ZNF486: variants seen among roughly 807,000 people sequenced by gnomAD.
ZNF486 encodes KRAB box only protein 2.
ZNF486 carries 12 observed loss-of-function variants against 12.8 expected under a neutral mutation model. The ratio of observed to expected loss-of-function variants is 0.94; its 90% CI spans 0.60 to 1.52. ZNF486 has a LOEUF of 1.52. Among genes scored for constraint, ZNF486 ranks in the 40% most tolerant of loss-of-function variants. ZNF486 has a pLI of 0.00. For synonymous variants in ZNF486, 231 were observed against 184.9 expected (o/e 1.25, Z -2.02); for missense variants, 738 against 545.0 (o/e 1.35, Z -3.53).
intron 1 of ZNF486, among the ~76,000 whole-genome samples, chr19:20,172,957 C>T (rs2122629327): frequency 6.6e-6 from 1 of 152,264 alleles, no homozygotes; most frequent in Admixed American, 6.5e-5. Flanking sequence ...TTAATAAATT[C>T]TGGATATTAG....
At chr19:20,170,706 G>T (rs1555713768) in intron 1 of ZNF486, among the ~76,000 whole-genome samples, 1 of 152,200 alleles carries the variant, frequency 6.6e-6, no homozygotes, top group African/African-American at 2.4e-5. Context: ...AAGTCATAAT[G>T]GGAAGGGTGT....
chr19:20,186,650 T>A (rs2089849975), intron 3 of ZNF486, among the ~76,000 whole-genome samples: 1 of 152,162 alleles, frequency 6.6e-6, no homozygotes, highest in South Asian at 2.1e-4. Flanking sequence ...CACGTAACTT[T>A]TAGAAATGTA....
At chr19:20,189,170 G>A (rs1555716858) in intron 3 of ZNF486, among the ~76,000 whole-genome samples, 2 of 151,990 alleles carry the variant, frequency 1.3e-5, no homozygotes, top group Non-Finnish European at 1.5e-5. Context: ...TGCCTCCTGG[G>A]TTCAAGCAAT....
At chr19:20,196,395 C>A (rs1555717939) in intron 3 of ZNF486, among the ~76,000 whole-genome samples, 1 of 152,196 alleles carries the variant, frequency 6.6e-6, no homozygotes, top group African/African-American at 2.4e-5. Flanking sequence ...GTGGTGCAAT[C>A]TTGGCTTACT....
At chr19:20,189,989 A>G (rs1196716924) in intron 3 of ZNF486, among the ~76,000 whole-genome samples, 1 of 152,208 alleles carries the variant, frequency 6.6e-6, no homozygotes, top group Non-Finnish European at 1.5e-5. Flanking sequence ...GTATCGTTCA[A>G]GGAAATAACC....
chr19:20,173,131 CT>C (rs1389578286), intron 1 of ZNF486, among the ~76,000 whole-genome samples: 15 of 152,306 alleles, frequency 9.8e-5, no homozygotes, highest in Admixed American at 2.6e-4. Flanking sequence ...CTCATGAAGT[CT>C]TTGCCAGTTT....
intron 1 of ZNF486, among the ~76,000 whole-genome samples, 176 bp from the exon 2 acceptor site, chr19:20,184,180 T>A (rs945342467): frequency 1.3e-5 from 2 of 152,238 alleles, no homozygotes; most frequent in African/African-American, 4.8e-5. Context: ...CTGCTCTTTT[T>A]TTTCAGAGAT....
chr19:20,191,062 C>G (rs904931245), intron 3 of ZNF486, among the ~76,000 whole-genome samples: 5 of 152,224 alleles, frequency 3.3e-5, no homozygotes, highest in Non-Finnish European at 5.9e-5. Flanking sequence ...TGTCCAATTA[C>G]TCTTTACCTT....
chr19:20,180,591 T>C lies in ZNF486; in HGVS notation c.31-3765T>C, dbSNP rs572127211. ...TAATTGTTATTATAATTTTTTTTCTTTAGTCAGAATCTCACTGTGTTACCC... is the reference window on the plus strand; with the variant it reads ...TAATTGTTATTATAATTTTTTTTCTCTAGTCAGAATCTCACTGTGTTACCC... On this transcript the variant is annotated intron_variant, in intron 1 of 3. Transcript: ENST00000335117. Among the ~76,000 whole-genome samples the C allele has an allele frequency of 3.1e-3, 472 of 152,316 alleles. 1 individual carries two copies. Among genetic ancestry groups the C allele is most frequent in the African/African-American group, 0.011 (451 of 41,592 alleles).
chr19:20,197,775 T>C lies in ZNF486; in HGVS notation c.1065T>C (p.Cys355=). The change falls in exon 4 of 4, where the codon TGT becomes TGC. Residue 355 remains cysteine, a synonymous_variant. Transcript: ENST00000335117. ...TGEKPYKCEE[C]GKAFTRSSHL... is the part of the protein sequence containing the mutation. ...AGAAACCCTACAAATGTGAAGAATGTGGCAAAGCCTTCACCCGCTCCTCAC... is the reference window on the plus strand; with the variant it reads ...AGAAACCCTACAAATGTGAAGAATGCGGCAAAGCCTTCACCCGCTCCTCAC... The C allele has an allele frequency of 6.2e-7, 1 of 1,613,922 alleles. No individual in the cohort carries two copies. The highest frequency in any genetic ancestry group is 1.3e-5 in the African/African-American group (1 of 75,038).
intron 1 of ZNF486, among the ~76,000 whole-genome samples, chr19:20,171,645 G>C (rs2089649262): frequency 6.6e-6 from 1 of 152,154 alleles, no homozygotes; most frequent in South Asian, 2.1e-4. Flanking sequence ...AGCCCCACCT[G>C]GGCCACTATC....
At chr19:20,167,431 C>T in intron 1 of ZNF486, 71 bp downstream of exon 1, 1 of 1,540,336 alleles carries the variant, frequency 6.5e-7, no homozygotes, top group Non-Finnish European at 8.9e-7. Context: ...TGGAGGGACT[C>T]AGGCCTCCCC....
intron 1 of ZNF486, among the ~76,000 whole-genome samples, chr19:20,172,266 G>A (rs2089656270): frequency 6.6e-6 from 1 of 151,610 alleles, no homozygotes; most frequent in South Asian, 2.1e-4. Flanking sequence ...GCCTCCCAAA[G>A]TGTTGGGATT....
At chr19:20,187,579 G>T (rs564220798) in intron 3 of ZNF486, among the ~76,000 whole-genome samples, 1 of 143,782 alleles carries the variant, frequency 7.0e-6, no homozygotes, top group Admixed American at 7.3e-5. Context: ...TCAGCTCACT[G>T]CAACCTCCAC....
rs374234618 is a variant in ZNF486 at position 20,167,335 on chromosome 19, C to T, written c.5C>T (p.Pro2Leu). 31 of 1,613,834 alleles carry T rather than the reference C, an allele frequency of 1.9e-5. No homozygotes were observed. The African/African-American group carries it at 3.5e-4, about 18-fold the overall frequency. M[P>L]GPLRSLEMES... Reference sequence around the variant, plus strand: ...ATTGGGAGATCCACAGCCAAGATGCCGGGACCCCTTAGAAGCCTAGAAATG... The same window carrying T: ...ATTGGGAGATCCACAGCCAAGATGCTGGGACCCCTTAGAAGCCTAGAAATG... The change falls in exon 1 of 4, where the codon CCG becomes CTG. Residue 2 changes from proline to leucine, a missense_variant. Coordinates refer to ENST00000335117, the MANE Select transcript of ZNF486 (RefSeq NM_052852.4).
intron 1 of ZNF486, among the ~76,000 whole-genome samples, chr19:20,172,632 CT>C (rs1555714051): frequency 6.7e-6 from 1 of 150,224 alleles, no homozygotes; most frequent in Non-Finnish European, 1.5e-5. Context: ...TTGTTTTTTT[CT>C]TGTAAACTTG....
In ZNF486 at chr19:20,198,234, G is replaced by T. The variant is rs2122691404; in HGVS notation, c.*132G>T. ...TGGGTTCAAGTAACTCTCCTTAGTAGCTAGGATTACAGGGCTGCACCACCA... is the reference window on the plus strand; with the variant it reads ...TGGGTTCAAGTAACTCTCCTTAGTATCTAGGATTACAGGGCTGCACCACCA... On this transcript the variant is annotated 3_prime_UTR_variant, in exon 4 of 4. Coordinates refer to ENST00000335117, the MANE Select transcript of ZNF486 (RefSeq NM_052852.4). 1.3e-6 allele frequency: 1 copy of T among 741,546 alleles called. No individual in the cohort carries two copies. 45.9% of individuals were successfully genotyped at this position (741,546 alleles called of 1,614,324 possible). A position where few individuals can be genotyped will look rare whatever the true frequency, so the allele number is the denominator to read the frequency against.
intron 1 of ZNF486, among the ~76,000 whole-genome samples, chr19:20,181,383 C>CA (rs2089783490): frequency 6.6e-6 from 1 of 151,924 alleles, no homozygotes; most frequent in Non-Finnish European, 1.5e-5. Context: ...ACTAAGAATA[C>CA]AAAAAATTAG....
rs1454891835 is a variant in ZNF486, at chr19:20,182,823, C to G, written c.31-1533C>G. ...GCAGGTAATCATGTGTTACTGATAC[C>G]TTTAAAGGCATGTTCTCAAGATGCA... On this transcript the variant is annotated intron_variant, in intron 1 of 3. Coordinates refer to ENST00000335117, the MANE Select transcript of ZNF486 (RefSeq NM_052852.4). Among the ~76,000 whole-genome samples the G allele has an allele frequency of 2.0e-5, 3 of 152,158 alleles. No individual in the cohort carries two copies. The East Asian group carries it at 5.8e-4, about 29-fold the overall frequency.
Sources: allele counts gnomAD v4.1 joint callset (sites outside exome capture counted in the v4.1 genomes callset), GRCh38; gene constraint gnomAD v4.1.1; transcripts MANE v1.5; gene names NCBI Gene and HGNC (gene_info 2026-07-23, HGNC 2026-07-21).